PLSCR4: variants seen among roughly 807,000 people sequenced by gnomAD.
PLSCR4 encodes Ca(2+)-dependent phospholipid scramblase 4.
In PLSCR4, 25 loss-of-function variants were observed where a neutral mutation model predicts 36.3. The ratio of observed to expected loss-of-function variants is 0.69; its 90% CI spans 0.50 to 0.96. The LOEUF is 0.96. PLSCR4 is among the 40% of genes least tolerant of loss of function. The probability of loss-of-function intolerance (pLI) is 0.00; values close to 1 mark genes in which losing one functional copy is unlikely to be tolerated. For synonymous variants in PLSCR4, 122 were observed against 132.9 expected (o/e 0.92, Z 0.56); for missense variants, 408 against 414.7 (o/e 0.98, Z 0.14).
intron 4 of PLSCR4, among the ~76,000 whole-genome samples, chr3:146,205,619 A>G (rs1270279477): frequency 6.6e-6 from 1 of 152,116 alleles, no homozygotes; most frequent in African/African-American, 2.4e-5. Context: ...GATAACATCT[A>G]CAGCGTGGAT....
chr3:146,203,061 A>G (rs1172866828), intron 4 of PLSCR4, among the ~76,000 whole-genome samples: 1 of 151,970 alleles, frequency 6.6e-6, no homozygotes, highest in Non-Finnish European at 1.5e-5. Context: ...GTTAATGCTG[A>G]TATTTTGACC....
chr3:146,195,863 T>C (rs2033708990), intron 7 of PLSCR4, among the ~76,000 whole-genome samples: 1 of 152,200 alleles, frequency 6.6e-6, no homozygotes, highest in African/African-American at 2.4e-5. Context: ...TACATTGCTC[T>C]TTTAATAAAT....
chr3:146,219,944 A>G (rs1339191831), intron 3 of PLSCR4, among the ~76,000 whole-genome samples: 2 of 152,016 alleles, frequency 1.3e-5, no homozygotes, highest in African/African-American at 4.8e-5. Context: ...CCATCTCAAA[A>G]AAAAAACTTT....
intron 7 of PLSCR4, 127 bp downstream of exon 7, chr3:146,196,491 GATGTCAACTGGTTA>G: frequency 1.3e-6 from 1 of 762,512 alleles, no homozygotes; most frequent in Admixed American, 2.7e-5. Context: ...AAAATCTTTT[GATGTCAACTGGTTA>G]ATTAACTCTT....
chr3:146,249,243 T>C (rs1379696037), intron 1 of PLSCR4, among the ~76,000 whole-genome samples: 1 of 152,274 alleles, frequency 6.6e-6, no homozygotes, highest in East Asian at 1.9e-4. Context: ...CAAATATCTA[T>C]TCAGGCTTTC....
At chr3:146,216,232 A>AAAAC (rs373235368) in intron 3 of PLSCR4, among the ~76,000 whole-genome samples, 2,108 of 152,120 alleles carry the variant, frequency 0.014, 50 homozygotes, top group African/African-American at 0.048. Flanking sequence ...TTCTGTCTCA[A>AAAAC]AAACAAACAA....
At chr3:146,221,241 T>A (rs1442479105) in intron 2 of PLSCR4, among the ~76,000 whole-genome samples, 1 of 152,202 alleles carries the variant, frequency 6.6e-6, no homozygotes, top group Admixed American at 6.5e-5. Context: ...CCTGGCATAA[T>A]AGCAAAAATT....
chr3:146,212,925 G>A (rs1383555561), intron 3 of PLSCR4, among the ~76,000 whole-genome samples: 4 of 152,110 alleles, frequency 2.6e-5, no homozygotes, highest in Non-Finnish European at 5.9e-5. Context: ...TTATCATGGA[G>A]GATGTTGTAT....
chr3:146,241,608 CAAG>C (rs1553756493), intron 1 of PLSCR4, among the ~76,000 whole-genome samples: 1 of 151,998 alleles, frequency 6.6e-6, no homozygotes, highest in Non-Finnish European at 1.5e-5. Context: ...TAGTAATCTA[CAAG>C]AACAAGCAGA....
At chr3:146,203,767 T>C (rs910060956) in intron 4 of PLSCR4, among the ~76,000 whole-genome samples, 13 of 152,018 alleles carry the variant, frequency 8.6e-5, no homozygotes, top group African/African-American at 2.9e-4. Flanking sequence ...CTTAAGGAAA[T>C]GTTGTGACTG....
rs556525603 is a variant in PLSCR4, at chr3:146,248,215, GA to G, written c.-22+2744del. Among the ~76,000 whole-genome samples, 431 of 151,386 alleles carry G rather than the reference GA, an allele frequency of 2.8e-3. 2 individuals are homozygous for G. The highest frequency in any genetic ancestry group is 4.5e-3 in the Non-Finnish European group (304 of 67,748). On this transcript the variant is annotated intron_variant, in intron 1 of 8. Transcript: ENST00000354952. ...CAGCTGAAAGAGGACACTTATAAAA[GA>G]AAAAAAATGAGACAATATGAAAGGT...
In PLSCR4 at chr3:146,237,764, TTAAA is replaced by T. The variant is rs373590058; in HGVS notation, c.-22+13192_-22+13195del. 2.2e-3 allele frequency among the ~76,000 whole-genome samples: 337 copies of T among 151,766 alleles called. 2 individuals carry two copies. The highest frequency in any genetic ancestry group is 7.8e-3 in the African/African-American group (323 of 41,442). ...AAAATAATTTTAAAGAATAAAGCTC[TTAAA>T]TAAATAACATAATCTTTCTCTGTAA... is the stretch of plus-strand genomic sequence containing the variant. On this transcript the variant is annotated intron_variant, in intron 1 of 8. Coordinates refer to ENST00000354952, the MANE Select transcript of PLSCR4 (RefSeq NM_020353.3).
chr3:146,195,067 T>C, intron 8 of PLSCR4, 57 bp downstream of exon 8: 2 of 1,487,474 alleles, frequency 1.3e-6, no homozygotes, highest in East Asian at 4.5e-5. Flanking sequence ...TACACTATAC[T>C]GCTTCTCCAT....
chr3:146,233,517 G>A (rs1354407046), intron 1 of PLSCR4, among the ~76,000 whole-genome samples: 4 of 152,040 alleles, frequency 2.6e-5, no homozygotes, highest in Non-Finnish European at 5.9e-5. Context: ...GGAGCAGCTG[G>A]CTATAAAGAT....
chr3:146,222,641 CAGTG>C (rs1272474327), intron 1 of PLSCR4, among the ~76,000 whole-genome samples: 1 of 152,156 alleles, frequency 6.6e-6, no homozygotes, highest in Non-Finnish European at 1.5e-5. Flanking sequence ...GACTGGGCCA[CAGTG>C]AGTGAAGCGA....
chr3:146,212,025 G>T (rs182624090), intron 3 of PLSCR4, among the ~76,000 whole-genome samples: 1 of 152,064 alleles, frequency 6.6e-6, no homozygotes, highest in Admixed American at 6.5e-5. Flanking sequence ...AGGCTATTCT[G>T]AATCCTTTAC....
chr3:146,228,724 A>G (rs1227016683), intron 1 of PLSCR4, among the ~76,000 whole-genome samples: 1 of 77,642 alleles, frequency 1.3e-5, no homozygotes, highest in Non-Finnish European at 3.2e-5. Flanking sequence ...ACATATAAAT[A>G]TTGAGTTTTC....
At chr3:146,224,705 C>G (rs373586528) in intron 1 of PLSCR4, among the ~76,000 whole-genome samples, 1 of 151,992 alleles carries the variant, frequency 6.6e-6, no homozygotes, top group African/African-American at 2.4e-5. Context: ...AATGCTGGCT[C>G]GGGCAGCCTG....
intron 6 of PLSCR4, among the ~76,000 whole-genome samples, chr3:146,197,690 T>C (rs1408181559): frequency 3.3e-5 from 5 of 152,156 alleles, no homozygotes; most frequent in Admixed American, 3.3e-4. Context: ...TTAATAATAA[T>C]GAGTCATAAA....
Sources: gnomAD v4.1 joint callset for allele counts (sites outside exome capture counted in the v4.1 genomes callset) on GRCh38, gnomAD v4.1.1 for gene constraint, MANE v1.5 for transcripts, NCBI Gene and HGNC (gene_info 2026-07-23, HGNC 2026-07-21) for gene names.